Variants in GPC5 observed in about 807,000 individuals in gnomAD.
GPC5 encodes the protein glypican 5.
In GPC5, 47 loss-of-function variants were observed where a neutral mutation model predicts 53.9. The ratio of observed to expected loss-of-function variants is 0.87; its 90% confidence interval spans 0.69 to 1.11. The LOEUF (loss-of-function observed/expected upper bound fraction) is 1.11, where lower values mean the gene tolerates loss of function less well. Among genes scored for constraint, GPC5 ranks in the 50% most tolerant of loss-of-function variants. The pLI is 0.00. For synonymous variants in GPC5, 286 were observed against 263.3 expected, an observed-to-expected ratio of 1.09 and a Z score of -0.84; for missense variants, 748 against 713.1, an observed-to-expected ratio of 1.05 and a Z score of -0.56.
chr13:92,159,704 G>A (rs986246826), intron 7 of GPC5, among the ~76,000 whole-genome samples: 1 of 140,534 alleles, frequency 7.1e-6, no homozygotes, highest in East Asian at 2.3e-4. Context: ...CCGGGTTCAC[G>A]CCATTCTCCT....
chr13:92,348,473 ATAATAG>A (rs937443900), intron 7 of GPC5, among the ~76,000 whole-genome samples: 3 of 152,306 alleles, frequency 2.0e-5, no homozygotes, highest in African/African-American at 7.2e-5. Flanking sequence ...TTGCCATACA[ATAATAG>A]TAAGAGACTT....
At chr13:92,247,520 T>C (rs1196672032) in intron 7 of GPC5, among the ~76,000 whole-genome samples, 2 of 152,174 alleles carry the variant, frequency 1.3e-5, no homozygotes, top group Non-Finnish European at 2.9e-5. Context: ...ATTATGACTA[T>C]AGTTCAACAG....
chr13:92,403,864 G>A (rs1020288727), intron 7 of GPC5, among the ~76,000 whole-genome samples: 1 of 152,084 alleles, frequency 6.6e-6, no homozygotes. Context: ...TATTCATAGA[G>A]CTAATAATTT....
At chr13:92,552,984 A>C (rs1371982386) in intron 7 of GPC5, among the ~76,000 whole-genome samples, 1 of 151,746 alleles carries the variant, frequency 6.6e-6, no homozygotes, top group Non-Finnish European at 1.5e-5. Flanking sequence ...TTTATTTATG[A>C]CTGTTTTGAT....
chr13:91,571,769 G>A lies in GPC5; in HGVS notation c.326-121418G>A, dbSNP rs1482806475. Among the ~76,000 whole-genome samples, 177 of 114,352 alleles carry A rather than the reference G, an allele frequency of 1.5e-3. 27 individuals carry two copies. Among genetic ancestry groups the A allele is most frequent in the African/African-American group, 5.6e-3 (156 of 28,050 alleles). 75.0% of individuals were successfully genotyped at this position (114,352 alleles called of 152,430 possible). A position where few individuals can be genotyped will look rare whatever the true frequency, so the allele number is the denominator to read the frequency against. On this transcript the variant is annotated intron_variant, in intron 2 of 7. Coordinates refer to ENST00000377067, the MANE Select transcript of GPC5 (RefSeq NM_004466.6). ...TATACACACATATACATGTGTATGT[G>A]TATATACACACACATATACGTGTGT...
intron 7 of GPC5, among the ~76,000 whole-genome samples, chr13:92,516,874 G>A (rs1440589761): frequency 2.0e-5 from 3 of 152,102 alleles, no homozygotes; most frequent in Non-Finnish European, 4.4e-5. Context: ...CCGAAGCAGG[G>A]TGAGGCATCA....
At chr13:92,711,391 T>C (rs1294734498) in intron 7 of GPC5, among the ~76,000 whole-genome samples, 2 of 152,158 alleles carry the variant, frequency 1.3e-5, no homozygotes, top group African/African-American at 4.8e-5. Flanking sequence ...TGCATTATGG[T>C]AGAAAATATT....
At chr13:91,510,201 A>G (rs1213771408) in intron 2 of GPC5, among the ~76,000 whole-genome samples, 1 of 152,204 alleles carries the variant, frequency 6.6e-6, no homozygotes, top group Non-Finnish European at 1.5e-5. Context: ...AAATACAATA[A>G]TCATAGCTAT....
At chr13:92,528,270 C>G (rs1213553738) in intron 7 of GPC5, among the ~76,000 whole-genome samples, 1 of 152,062 alleles carries the variant, frequency 6.6e-6, no homozygotes, top group Non-Finnish European at 1.5e-5. Context: ...GAATTATTAA[C>G]ATTTGGCTGC....
At chr13:92,352,887 C>T (rs530596156) in intron 7 of GPC5, among the ~76,000 whole-genome samples, 58 of 152,210 alleles carry the variant, frequency 3.8e-4, no homozygotes, top group African/African-American at 1.3e-3. Flanking sequence ...CACCTGTTTG[C>T]AAAATAAGAG....
intron 1 of GPC5, among the ~76,000 whole-genome samples, chr13:91,409,849 T>A (rs941790925): frequency 1.4e-4 from 21 of 152,180 alleles, no homozygotes; most frequent in Admixed American, 1.4e-3. Flanking sequence ...TGGTCAACCC[T>A]TGTCCACCTC....
chr13:91,624,802 A>G (rs1238191920), intron 2 of GPC5, among the ~76,000 whole-genome samples: 2 of 152,010 alleles, frequency 1.3e-5, no homozygotes, highest in Non-Finnish European at 2.9e-5. Flanking sequence ...ATTACTAGCT[A>G]TTTTTAGAAA....
chr13:92,270,704 A>T (rs1389872850), intron 7 of GPC5, among the ~76,000 whole-genome samples: 2 of 152,204 alleles, frequency 1.3e-5, no homozygotes, highest in Non-Finnish European at 2.9e-5. Context: ...ATATGAAAAT[A>T]TCTTTGTTTT....
At position 91,427,145 on chromosome 13, in the gene GPC5, G is replaced by A. The variant is rs550796741; in HGVS notation, c.164-21616G>A. On this transcript the variant is annotated intron_variant, in intron 1 of 7. Transcript: ENST00000377067. ...AGGACAGTGCAGAAGGAAAATGTGG[G>A]CTTGGAGCCCCCACACAGAGTCTCC... Among the ~76,000 whole-genome samples the A allele has an allele frequency of 1.2e-4, 18 of 152,304 alleles. No homozygotes were observed. The South Asian group carries it at 2.5e-3, about 21-fold the overall frequency.
In GPC5 at chr13:91,617,594, C is replaced by A. The variant is rs1269137307; in HGVS notation, c.326-75593C>A. On this transcript the variant is annotated intron_variant, in intron 2 of 7. Transcript: ENST00000377067. ...GACTCTTGACAAGCAACTCTTTGAT[C>A]TAATTTTCATGTATATGACAAAGCA... Among the ~76,000 whole-genome samples the A allele has an allele frequency of 2.0e-5, 3 of 152,176 alleles. No individual in the cohort carries two copies. The East Asian group carries it at 5.8e-4, about 29-fold the overall frequency.
intron 6 of GPC5, among the ~76,000 whole-genome samples, chr13:92,109,463 C>G (rs2041539116): frequency 6.6e-6 from 1 of 152,078 alleles, no homozygotes; most frequent in Non-Finnish European, 1.5e-5. Flanking sequence ...TTCAATTGCC[C>G]CTCAGTTGAA....
intron 7 of GPC5, among the ~76,000 whole-genome samples, chr13:92,287,797 T>G (rs983262097): frequency 6.6e-6 from 1 of 152,210 alleles, no homozygotes; most frequent in African/African-American, 2.4e-5. Flanking sequence ...TGTTGGTTCA[T>G]GTCTTCCATC....
chr13:91,515,145 TA>T (rs1406487113), intron 2 of GPC5, among the ~76,000 whole-genome samples: 3 of 152,218 alleles, frequency 2.0e-5, no homozygotes, highest in African/African-American at 7.2e-5. Flanking sequence ...CAGAATTACT[TA>T]AAAATGCATA....
chr13:92,488,494 T>C (rs558371465), intron 7 of GPC5, among the ~76,000 whole-genome samples: 1 of 152,344 alleles, frequency 6.6e-6, no homozygotes, highest in South Asian at 2.1e-4. Context: ...TCCGTTGCCA[T>C]ACGTGCTGAT....
Sources: gnomAD v4.1 joint callset for allele counts (sites outside exome capture counted in the v4.1 genomes callset) on GRCh38, gnomAD v4.1.1 for gene constraint, MANE v1.5 for transcripts, NCBI Gene and HGNC (gene_info 2026-07-23, HGNC 2026-07-21) for gene names.